The following SORCS1 variants were observed in gnomAD, a reference collection of about 807,000 sequenced individuals.
SORCS1 encodes VPS10 domain-containing receptor SorCS1.
A neutral mutation model predicts 146.1 loss-of-function variants in SORCS1; 60 were observed. The observed-to-expected ratio is 0.41, with a 90% confidence interval of 0.33 to 0.51. The LOEUF (loss-of-function observed/expected upper bound fraction) is 0.51. Ranked by LOEUF, SORCS1 falls within the 20% of genes least tolerant of loss-of-function variation. SORCS1 has a pLI of 0.21. For missense variants in SORCS1, 1,352 were observed against 1,487.6 expected, an observed-to-expected ratio of 0.91 and a Z score of 1.50; for synonymous variants, 637 against 584.0, an observed-to-expected ratio of 1.09 and a Z score of -1.31.
intron 1 of SORCS1, among the ~76,000 whole-genome samples, chr10:107,136,113 T>C (rs1333624568): frequency 6.6e-6 from 1 of 150,992 alleles, no homozygotes; most frequent in Non-Finnish European, 1.5e-5. Flanking sequence ...AGAGTGCAGT[T>C]GTAGAAAAAA....
intron 6 of SORCS1, among the ~76,000 whole-genome samples, chr10:106,716,415 G>A (rs1404794648): frequency 1.3e-5 from 2 of 152,106 alleles, no homozygotes; most frequent in Non-Finnish European, 2.9e-5. Flanking sequence ...GAAACAAAAC[G>A]GATGTTAAAA....
At chr10:106,800,013 A>T (rs1024089816) in intron 3 of SORCS1, among the ~76,000 whole-genome samples, 28 of 152,214 alleles carry the variant, frequency 1.8e-4, no homozygotes, top group African/African-American at 6.8e-4. Flanking sequence ...CATTGCCACA[A>T]ATGTAACATT....
intron 24 of SORCS1, among the ~76,000 whole-genome samples, chr10:106,593,953 A>G (rs1845760571): frequency 6.6e-6 from 1 of 152,178 alleles, no homozygotes; most frequent in Non-Finnish European, 1.5e-5. Flanking sequence ...AAAACTACAA[A>G]CATGAATTGG....
At chr10:107,056,853 A>G (rs909811746) in intron 1 of SORCS1, among the ~76,000 whole-genome samples, 2 of 152,252 alleles carry the variant, frequency 1.3e-5, no homozygotes, top group Admixed American at 6.5e-5. Context: ...GGAGAGGTTC[A>G]TGTCACCAAT....
intron 24 of SORCS1, among the ~76,000 whole-genome samples, chr10:106,594,383 A>G (rs1042034832): frequency 6.6e-6 from 1 of 152,216 alleles, no homozygotes; most frequent in Admixed American, 6.5e-5. Flanking sequence ...GTGATACATA[A>G]GCATAGTGAT....
At chr10:106,736,298 T>C (rs1856939171) in intron 5 of SORCS1, among the ~76,000 whole-genome samples, 1 of 152,170 alleles carries the variant, frequency 6.6e-6, no homozygotes, top group Non-Finnish European at 1.5e-5. Flanking sequence ...ATAAATATCA[T>C]GATGGGATAG....
intron 2 of SORCS1, among the ~76,000 whole-genome samples, chr10:106,874,314 C>G (rs1414100034): frequency 6.6e-6 from 1 of 152,130 alleles, no homozygotes; most frequent in Non-Finnish European, 1.5e-5. Flanking sequence ...AAACAATGAT[C>G]TAGTCCATTA....
chr10:106,836,569 C>A (rs190239624), intron 2 of SORCS1, among the ~76,000 whole-genome samples: 1 of 151,798 alleles, frequency 6.6e-6, no homozygotes, highest in East Asian at 1.9e-4. Flanking sequence ...CAAAAGCCAC[C>A]GGGAGAAATC....
chr10:106,643,431 T>C lies in SORCS1; in HGVS notation c.2475+8951A>G, dbSNP rs75355286. The stretch of plus-strand genomic sequence containing the variant: ...CCTACGTATATAATCCAGAGGGTCA[T>C]AGAGAAATTGAGGGTCTTTTTCTGC... On this transcript the variant is annotated intron_variant, in intron 18 of 25. Coordinates refer to ENST00000263054, the MANE Select transcript of SORCS1 (RefSeq NM_052918.5). 5.5e-3 allele frequency among the ~76,000 whole-genome samples: 843 copies of C among 152,370 alleles called. 9 individuals carry two copies. Among genetic ancestry groups the C allele is most frequent in the African/African-American group, 0.019 (780 of 41,588 alleles).
intron 3 of SORCS1, among the ~76,000 whole-genome samples, chr10:106,814,724 C>A (rs1046638288): frequency 3.3e-5 from 5 of 151,992 alleles, no homozygotes; most frequent in Middle Eastern, 3.4e-3. Flanking sequence ...ACCATCCTGG[C>A]TAACGTGGTG....
At chr10:107,114,921 C>T (rs767587947) in intron 1 of SORCS1, among the ~76,000 whole-genome samples, 15 of 152,018 alleles carry the variant, frequency 9.9e-5, no homozygotes, top group Non-Finnish European at 1.8e-4. Context: ...GAAATAATAT[C>T]GACATACACA....
intron 3 of SORCS1, among the ~76,000 whole-genome samples, chr10:106,785,445 C>G (rs1286571645): frequency 6.6e-6 from 1 of 152,158 alleles, no homozygotes; most frequent in Non-Finnish European, 1.5e-5. Context: ...ATGTGATGCC[C>G]CTGTACATGT....
rs1330858757 is a variant in SORCS1 at position 106,607,170 on chromosome 10, T to G, written c.3161A>C (p.Glu1054Ala). The G allele has an allele frequency of 2.5e-6, 4 of 1,614,004 alleles. No individual in the cohort carries two copies. The Admixed American group carries it at 6.7e-5, about 27-fold the overall frequency. ...CTCCTTTTCCAGGGGACTCACCTGC[T>G]CCAGGTCATCAGTTGACCTTTTGTT... ...GENKRSTDDLEQISELLIHTL... is the reference protein window; with the variant it reads ...GENKRSTDDLAQISELLIHTL... Residue 1054 changes from glutamate (E) to alanine (A), a missense_variant, in exon 23 of 26, where the codon GAG (glutamate) becomes GCG (alanine). Physicochemically the swap from Glu to Ala is moderately radical, Grantham distance 107. This residue lies in a region of SORCS1 where 214 missense variants were observed against 204.8 expected (regional missense o/e 1.05). Coordinates refer to ENST00000263054, the MANE Select transcript of SORCS1 (RefSeq NM_052918.5).
At position 106,629,303 on chromosome 10, in the gene SORCS1, C is replaced by G. The variant is rs757079289; in HGVS notation, c.2561G>C (p.Gly854Ala). 15 of 1,614,140 alleles carry G rather than the reference C, an allele frequency of 9.3e-6. No homozygotes were observed. Among genetic ancestry groups the G allele is most frequent in the Non-Finnish European group, 1.2e-5 (14 of 1,180,008 alleles). Reference protein sequence around the residue: ...SYVNLSSMEDGIKHVYQNVGI... With the variant: ...SYVNLSSMEDAIKHVYQNVGI... ...CACGTTCTGATAGACGTGTTTGATC[C>G]CATCTTCCATGGAGCTGAGATTGAC... is the stretch of plus-strand genomic sequence containing the variant. Residue 854 changes from glycine to alanine, a missense_variant, in exon 19 of 26, where the codon GGG becomes GCG. Physicochemically the swap from Gly to Ala is moderately conservative, Grantham distance 60. Around this residue, in one of 3 missense-constraint regions of SORCS1, gnomAD observed 648 missense variants for 793.8 expected, o/e 0.82. Coordinates refer to ENST00000263054, the MANE Select transcript of SORCS1 (RefSeq NM_052918.5).
At chr10:107,012,924 G>A (rs919686693) in intron 1 of SORCS1, among the ~76,000 whole-genome samples, 2 of 152,170 alleles carry the variant, frequency 1.3e-5, no homozygotes, top group Non-Finnish European at 2.9e-5. Context: ...TAAGATGTCT[G>A]CACCTGTCTC....
chr10:106,740,621 T>C (rs975469635), intron 5 of SORCS1, among the ~76,000 whole-genome samples: 1 of 152,032 alleles, frequency 6.6e-6, no homozygotes, highest in East Asian at 1.9e-4. Flanking sequence ...TTTAGCTCCA[T>C]CAGAAAAAAA....
At position 106,746,098 on chromosome 10, in the gene SORCS1, A is replaced by T. The variant is rs538180264; in HGVS notation, c.959+15490T>A. ...TCCTATGGATTTGAAGAGACTAAAA[A>T]GACATGAAAAATAAATGCAATTTGG... On this transcript the variant is annotated intron_variant, in intron 5 of 25. Coordinates refer to ENST00000263054, the MANE Select transcript of SORCS1 (RefSeq NM_052918.5). Among the ~76,000 whole-genome samples the T allele has an allele frequency of 6.6e-5, 10 of 152,328 alleles. No homozygotes were observed. The East Asian group carries it at 1.9e-3, about 29-fold the overall frequency.
At chr10:107,176,049 C>T in the SORCS1 span, among the ~76,000 whole-genome samples, 34 of 152,152 alleles carry the variant, frequency 2.2e-4, no homozygotes, top group Admixed American at 2.0e-3. Context: ...TATATGTGTA[C>T]ATATATTTGA....
At chr10:107,033,831 A>G (rs564343642) in intron 1 of SORCS1, among the ~76,000 whole-genome samples, 11 of 152,300 alleles carry the variant, frequency 7.2e-5, no homozygotes, top group African/African-American at 2.4e-4. Flanking sequence ...CATCTCTAGT[A>G]CAAGTAAGTG....
Sources: allele counts gnomAD v4.1 joint callset (sites outside exome capture counted in the v4.1 genomes callset), GRCh38; gene constraint gnomAD v4.1.1; regional missense constraint gnomAD v4.1.1; transcripts MANE v1.5; gene names NCBI Gene and HGNC (gene_info 2026-07-23, HGNC 2026-07-21).